DLG1: variants seen among roughly 807,000 people sequenced by gnomAD.
The protein encoded by DLG1 is disks large homolog 1.
In DLG1, 42 loss-of-function variants were observed where a neutral mutation model predicts 123.4. That is an observed-to-expected ratio of 0.34 (90% confidence interval 0.27 to 0.44). DLG1 has a LOEUF of 0.44. DLG1 is among the 20% of genes least tolerant of loss of function. The probability of loss-of-function intolerance (pLI) is 1.00; values close to 1 mark genes in which losing one functional copy is unlikely to be tolerated. For synonymous variants in DLG1, 317 were observed against 356.2 expected (o/e 0.89, Z 1.24); for missense variants, 942 against 1,082.6 (o/e 0.87, Z 1.82).
chr3:197,280,370 T>C (rs1768701977), intron 4 of DLG1, among the ~76,000 whole-genome samples: 1 of 151,118 alleles, frequency 6.6e-6, no homozygotes, highest in Non-Finnish European at 1.5e-5. Context: ...TGTGTGTGTA[T>C]CACACTTTAT....
intron 4 of DLG1, among the ~76,000 whole-genome samples, chr3:197,244,758 C>T (rs1320596298): frequency 6.6e-6 from 1 of 151,838 alleles, no homozygotes; most frequent in African/African-American, 2.4e-5. Flanking sequence ...TAGGGTCCTT[C>T]CCAAGCTGGT....
chr3:197,223,521 T>C (rs538742901), intron 4 of DLG1, among the ~76,000 whole-genome samples: 5 of 152,340 alleles, frequency 3.3e-5, no homozygotes, highest in South Asian at 4.1e-4. Context: ...CAAAAGCTCA[T>C]TGCCATAAAT....
At chr3:197,083,143 T>C (rs924211070) in intron 16 of DLG1, among the ~76,000 whole-genome samples, 2 of 152,212 alleles carry the variant, frequency 1.3e-5, no homozygotes, top group Admixed American at 6.5e-5. Context: ...AGCCAAATAG[T>C]TGGATCATGC....
chr3:197,219,568 C>CCAAAATT (rs1478958692), intron 4 of DLG1, among the ~76,000 whole-genome samples: 1 of 152,182 alleles, frequency 6.6e-6, no homozygotes. Context: ...GCCCTCCCCA[C>CCAAAATT]CAAAATTCAC....
intron 9 of DLG1, among the ~76,000 whole-genome samples, chr3:197,137,337 C>T (rs1785530404): frequency 6.6e-6 from 1 of 152,190 alleles, no homozygotes; most frequent in Non-Finnish European, 1.5e-5. Flanking sequence ...GATGTAACTG[C>T]TCATAATACA....
chr3:197,044,896 T>C (rs1450790067), intron 24 of DLG1, among the ~76,000 whole-genome samples, 167 bp from the exon 25 acceptor site: 2 of 152,208 alleles, frequency 1.3e-5, no homozygotes, highest in African/African-American at 4.8e-5. Flanking sequence ...TTCATTAATT[T>C]TCCTATTTAT....
At chr3:197,269,028 T>C (rs1372019142) in intron 4 of DLG1, among the ~76,000 whole-genome samples, 2 of 152,198 alleles carry the variant, frequency 1.3e-5, no homozygotes. Context: ...GAAAACAATG[T>C]CTTCTTCTGG....
intron 3 of DLG1, among the ~76,000 whole-genome samples, chr3:197,289,563 C>T (rs1399530346): frequency 1.3e-5 from 2 of 152,096 alleles, no homozygotes; most frequent in South Asian, 2.1e-4. Flanking sequence ...TGAAATATAA[C>T]CCTACCATTT....
intron 5 of DLG1, among the ~76,000 whole-genome samples, chr3:197,187,146 A>T (rs573838259): frequency 6.6e-6 from 1 of 152,318 alleles, no homozygotes; most frequent in East Asian, 1.9e-4. Flanking sequence ...ACACATACAA[A>T]ATCCCTTCTG....
At chr3:197,213,102 A>C (rs1212983641) in intron 4 of DLG1, among the ~76,000 whole-genome samples, 2 of 152,216 alleles carry the variant, frequency 1.3e-5, no homozygotes, top group East Asian at 3.8e-4. Flanking sequence ...GTCCACACAA[A>C]AACTTGTACA....
intron 15 of DLG1, among the ~76,000 whole-genome samples, chr3:197,087,357 T>G (rs1453694815): frequency 2.0e-5 from 3 of 151,838 alleles, no homozygotes; most frequent in Non-Finnish European, 2.9e-5. Context: ...CTTTTGAAAT[T>G]AGAAATACAT....
chr3:197,232,283 T>A (rs1743575597), intron 4 of DLG1, among the ~76,000 whole-genome samples: 1 of 149,496 alleles, frequency 6.7e-6, no homozygotes, highest in Admixed American at 6.7e-5. Context: ...GGAAGACAAC[T>A]GAGCACAGGA....
chr3:197,217,390 C>T (rs1450980192), intron 4 of DLG1, among the ~76,000 whole-genome samples: 2 of 152,120 alleles, frequency 1.3e-5, no homozygotes, highest in African/African-American at 2.4e-5. Context: ...GATTATGAAC[C>T]ATCGAAGTTT....
At chr3:197,160,667 T>A (rs1798435546) in intron 5 of DLG1, among the ~76,000 whole-genome samples, 1 of 152,142 alleles carries the variant, frequency 6.6e-6, no homozygotes, top group South Asian at 2.1e-4. Flanking sequence ...TAATTTCCCC[T>A]AGAATCCTTG....
At chr3:197,198,237 C>T (rs1723621518) in intron 4 of DLG1, among the ~76,000 whole-genome samples, 1 of 152,132 alleles carries the variant, frequency 6.6e-6, no homozygotes, top group Non-Finnish European at 1.5e-5. Context: ...CGCCTGTAAT[C>T]CCAGCCTTTC....
intron 22 of DLG1, among the ~76,000 whole-genome samples, chr3:197,062,529 G>A (rs1231477303): frequency 1.3e-5 from 2 of 151,998 alleles, no homozygotes; most frequent in African/African-American, 4.8e-5. Flanking sequence ...TCTCAGACTT[G>A]GCCAGTGGGG....
At chr3:197,242,148 T>C (rs1218798815) in intron 4 of DLG1, among the ~76,000 whole-genome samples, 1 of 152,102 alleles carries the variant, frequency 6.6e-6, no homozygotes, top group Non-Finnish European at 1.5e-5. Flanking sequence ...GCAACTATGC[T>C]TCTATCAGAT....
chr3:197,193,271 A>G (rs755180127), intron 5 of DLG1, among the ~76,000 whole-genome samples: 27 of 152,230 alleles, frequency 1.8e-4, no homozygotes, highest in Non-Finnish European at 3.2e-4. Context: ...CTAAAGGACC[A>G]ATAAATATAT....
At chr3:197,252,857 G>A (rs1022308154) in intron 4 of DLG1, among the ~76,000 whole-genome samples, 3 of 152,020 alleles carry the variant, frequency 2.0e-5, no homozygotes, top group African/African-American at 7.2e-5. Flanking sequence ...TAGAATAATC[G>A]TCCTCTTTGC....
Sources: allele counts gnomAD v4.1 joint callset (sites outside exome capture counted in the v4.1 genomes callset), GRCh38; gene constraint gnomAD v4.1.1; transcripts MANE v1.5; gene names NCBI Gene and HGNC (gene_info 2026-07-23, HGNC 2026-07-21).